Variants in AIMP2 observed in about 807,000 individuals in gnomAD.
AIMP2 encodes aminoacyl tRNA synthetase complex interacting multifunctional protein 2, also known as aminoacyl tRNA synthase complex-interacting multifunctional protein 2.
A neutral mutation model predicts 23.4 loss-of-function variants in AIMP2; 20 were observed. The observed-to-expected ratio is 0.85, with a 90% CI of 0.60 to 1.24. The LOEUF is 1.24. AIMP2 is among the 50% of genes most tolerant of loss of function. The pLI, the probability that AIMP2 is intolerant of heterozygous loss-of-function variation, is 0.00. For synonymous variants in AIMP2, 210 were observed against 170.4 expected (o/e 1.23, Z -1.81); for missense variants, 515 against 414.5 (o/e 1.24, Z -2.10).
chr7:6,019,627 G>A (rs1018837523), intron 3 of AIMP2, among the ~76,000 whole-genome samples: 1 of 152,100 alleles, frequency 6.6e-6, no homozygotes, highest in African/African-American at 2.4e-5. Context: ...GCAGAGAAAA[G>A]TCATGAGATT....
intron 3 of AIMP2, among the ~76,000 whole-genome samples, chr7:6,021,718 C>G (rs969407181): frequency 6.6e-6 from 1 of 152,138 alleles, no homozygotes; most frequent in Non-Finnish European, 1.5e-5. Flanking sequence ...GGCTGGAAAA[C>G]AGATTTCCAT....
intron 3 of AIMP2, among the ~76,000 whole-genome samples, chr7:6,021,549 G>T (rs1787419413): frequency 6.6e-6 from 1 of 152,066 alleles, no homozygotes; most frequent in African/African-American, 2.4e-5. Context: ...GATCATAGAT[G>T]GGGCAAAAGT....
chr7:6,016,410 G>A (rs1436551985), intron 2 of AIMP2, among the ~76,000 whole-genome samples: 2 of 152,176 alleles, frequency 1.3e-5, no homozygotes, highest in Non-Finnish European at 2.9e-5. Context: ...GCATTGTGGT[G>A]TCTCACCCAG....
chr7:6,021,101 C>T (rs201707588), intron 3 of AIMP2, among the ~76,000 whole-genome samples: 1 of 152,114 alleles, frequency 6.6e-6, no homozygotes, highest in African/African-American at 2.4e-5. Context: ...CAGAGCCCCA[C>T]GAGTTAACAC....
rs756064767 is a variant in AIMP2 at position 6,009,444 on chromosome 7, C to A, written c.81C>A (p.Leu27=). The A allele has an allele frequency of 3.7e-6, 6 of 1,610,764 alleles. No individual in the cohort carries two copies. Among genetic ancestry groups the A allele is most frequent in the African/African-American group, 1.3e-5 (1 of 74,964 alleles). The change falls in exon 1 of 4, where the codon CTC becomes CTA. Residue 27 remains leucine (L), a synonymous_variant. Coordinates refer to ENST00000223029, the MANE Select transcript of AIMP2 (RefSeq NM_006303.4). ...AGCTTCCCACCTGCATGTACCGGCT[C>A]CCCAACGTGCACGGCAGGAGCTACG... ...RVELPTCMYR[L]PNVHGRSYGP... is the part of the protein sequence containing the mutation.
intron 3 of AIMP2, among the ~76,000 whole-genome samples, chr7:6,022,035 C>A (rs1481491152): frequency 6.6e-6 from 1 of 152,068 alleles, no homozygotes; most frequent in Non-Finnish European, 1.5e-5. Context: ...GGATGAAGAC[C>A]TTCATGATGA....
chr7:6,018,149 T>TTTC, intron 3 of AIMP2, 104 bp downstream of exon 3: 4 of 263,944 alleles, frequency 1.5e-5, no homozygotes, highest in East Asian at 1.9e-4. Context: ...TCTTTTTCTT[T>TTTC]TTTTTTTTTT....
At chr7:6,019,309 C>T (rs966429846) in intron 3 of AIMP2, among the ~76,000 whole-genome samples, 1 of 150,426 alleles carries the variant, frequency 6.6e-6, no homozygotes, top group African/African-American at 2.5e-5. Context: ...GAAACCCCAT[C>T]TCTACTAAAA....
At chr7:6,021,338 C>CAAAAAA (rs563523048) in intron 3 of AIMP2, among the ~76,000 whole-genome samples, 1 of 65,954 alleles carries the variant, frequency 1.5e-5, no homozygotes, top group Non-Finnish European at 2.9e-5. Context: ...GACTCCATCT[C>CAAAAAA]AAAAAAAAAA....
chr7:6,016,475 C>G (rs1787036080), intron 2 of AIMP2, among the ~76,000 whole-genome samples: 1 of 152,198 alleles, frequency 6.6e-6, no homozygotes, highest in Non-Finnish European at 1.5e-5. Flanking sequence ...CCTTCCTCTG[C>G]TCCCTCATTC....
chr7:6,013,008 AAG>A (rs1786787000), intron 1 of AIMP2: 6 of 360,086 alleles, frequency 1.7e-5, no homozygotes, highest in Non-Finnish European at 1.8e-5. Flanking sequence ...TTAAGCAAAC[AAG>A]AGAAGAAGGA....
intron 2 of AIMP2, among the ~76,000 whole-genome samples, chr7:6,015,585 G>C (rs1425889798): frequency 6.6e-6 from 1 of 152,178 alleles, no homozygotes; most frequent in Non-Finnish European, 1.5e-5. Flanking sequence ...TTCGCCGGGC[G>C]TGGTGGCGGG....
intron 2 of AIMP2, among the ~76,000 whole-genome samples, 154 bp from the exon 3 acceptor site, chr7:6,017,660 A>C (rs1787104505): frequency 1.3e-5 from 2 of 152,138 alleles, no homozygotes; most frequent in Non-Finnish European, 2.9e-5. Context: ...ACCTTGGATA[A>C]GTTACTGGCT....
At chr7:6,014,161 A>G (rs572989663) in intron 1 of AIMP2, among the ~76,000 whole-genome samples, 4 of 151,452 alleles carry the variant, frequency 2.6e-5, no homozygotes, top group South Asian at 2.1e-4. Context: ...TTCATTTTCT[A>G]TCCTTCCCTG....
At chr7:6,011,462 C>G (rs561385608) in intron 1 of AIMP2, among the ~76,000 whole-genome samples, 2 of 152,294 alleles carry the variant, frequency 1.3e-5, no homozygotes, top group East Asian at 3.9e-4. Context: ...GTCTTTCACT[C>G]TTTTCTCATT....
intron 3 of AIMP2, among the ~76,000 whole-genome samples, chr7:6,018,732 G>A (rs1309662315): frequency 6.6e-6 from 1 of 151,788 alleles, no homozygotes; most frequent in Non-Finnish European, 1.5e-5. Context: ...TACTCGGGAG[G>A]CGGAGGCAGG....
rs145256692 is a variant in AIMP2 at position 6,017,846 on chromosome 7, C to A, written c.375C>A (p.Asn125Lys). ...DYGALKDIVI[N>K]ANPASPPLSL... ...GGGCGCTGAAAGACATCGTGATCAACGCAAACCCGGCCTCCCCTCCCCTCT... is the reference window on the plus strand; with the variant it reads ...GGGCGCTGAAAGACATCGTGATCAAAGCAAACCCGGCCTCCCCTCCCCTCT... Residue 125 changes from asparagine to lysine, a missense_variant, in exon 3 of 4, where the codon AAC becomes AAA. Physicochemically the swap from Asn to Lys is moderately conservative, Grantham distance 94 (BLOSUM62 0). Coordinates refer to ENST00000223029, the MANE Select transcript of AIMP2 (RefSeq NM_006303.4). 7 of 1,614,024 alleles carry A rather than the reference C, an allele frequency of 4.3e-6. No homozygotes were observed. Among genetic ancestry groups the A allele is most frequent in the Non-Finnish European group, 5.9e-6 (7 of 1,179,986 alleles).
At chr7:6,010,436 G>A (rs1320706339) in intron 1 of AIMP2, among the ~76,000 whole-genome samples, 1 of 125,310 alleles carries the variant, frequency 8.0e-6, no homozygotes, top group Non-Finnish European at 1.7e-5. Context: ...AAACAATATA[G>A]TCTGGTTTTT....
At chr7:6,011,154 C>A (rs1474235880) in intron 1 of AIMP2, among the ~76,000 whole-genome samples, 1 of 152,112 alleles carries the variant, frequency 6.6e-6, no homozygotes, top group Admixed American at 6.6e-5. Context: ...AGTGAATACT[C>A]TTATACAGAG....
Sources: gnomAD v4.1 joint callset for allele counts (sites outside exome capture counted in the v4.1 genomes callset) on GRCh38, gnomAD v4.1.1 for gene constraint, MANE v1.5 for transcripts, NCBI Gene and HGNC (gene_info 2026-07-23, HGNC 2026-07-21) for gene names.